The following KIF27 variants were observed in gnomAD, a reference collection of about 807,000 sequenced individuals.
KIF27 encodes kinesin-like protein KIF27.
KIF27 carries 84 observed loss-of-function variants against 141.8 expected under a neutral mutation model. The ratio of observed to expected loss-of-function variants is 0.59; its 90% CI spans 0.50 to 0.71. The LOEUF is 0.71. Among genes scored for constraint, KIF27 ranks in the 30% least tolerant of loss-of-function variants. The probability of loss-of-function intolerance (pLI) is 0.00; values close to 1 mark genes in which losing one functional copy is unlikely to be tolerated. For synonymous variants in KIF27, 471 were observed against 569.5 expected (o/e 0.83, Z 2.46); for missense variants, 1,306 against 1,628.4 (o/e 0.80, Z 3.41).
In KIF27 at chr9:83,889,219, C is replaced by T. The variant is rs1310085211; in HGVS notation, c.1844G>A (p.Arg615Gln). Residue 615 changes from arginine (R) to glutamine (Q), a missense_variant, in exon 7 of 18, where the codon CGA becomes CAA. This residue lies in a region of KIF27 where 596 missense variants were observed against 751.6 expected (regional missense o/e 0.79). Transcript: ENST00000297814. ...TCGTGTTCGAAATCCAGCAAATATTCGATCCAGAGAGTACATAGGCGGACT... is the reference window on the plus strand; with the variant it reads ...TCGTGTTCGAAATCCAGCAAATATTTGATCCAGAGAGTACATAGGCGGACT... ...HTSPPMYSLD[R>Q]IFAGFRTRSQ... is the part of the protein sequence containing the mutation. 31 of 1,613,398 alleles carry T rather than the reference C, an allele frequency of 1.9e-5. No homozygotes were observed. The highest frequency in any genetic ancestry group is 5.0e-5 in the Admixed American group (3 of 59,960).
chr9:83,887,419 T>C (rs1294873525), intron 8 of KIF27, among the ~76,000 whole-genome samples: 1 of 152,238 alleles, frequency 6.6e-6, no homozygotes, highest in Non-Finnish European at 1.5e-5. Context: ...CATGTATGTA[T>C]ATATTCTTTC....
At chr9:83,868,769 G>A (rs948810721) in intron 12 of KIF27, among the ~76,000 whole-genome samples, 3 of 152,056 alleles carry the variant, frequency 2.0e-5, no homozygotes, top group Middle Eastern at 3.2e-3. Flanking sequence ...GAATATATAT[G>A]AGAAAAAGAG....
rs1420354554 is a variant in KIF27, at chr9:83,835,692, G to A, written c.*1309C>T. On this transcript the variant is annotated 3_prime_UTR_variant, in exon 18 of 18. Coordinates refer to ENST00000297814, the MANE Select transcript of KIF27 (RefSeq NM_017576.4). ...TCAAATCCACAGCAACAGAGGAAAG[G>A]ACAAAAGGAAAAGGTCTGTAGCAGC... 5 of 152,030 alleles carry A rather than the reference G, an allele frequency of 3.3e-5. No individual in the cohort carries two copies. Among genetic ancestry groups the A allele is most frequent in the Non-Finnish European group, 7.4e-5 (5 of 68,012 alleles). The allele number at this position is 152,030 out of a possible 1,614,324, so 9.4% of individuals were successfully genotyped here.
chr9:83,916,101 G>A (rs750597096), intron 1 of KIF27, among the ~76,000 whole-genome samples: 4 of 150,828 alleles, frequency 2.7e-5, no homozygotes, highest in Non-Finnish European at 4.4e-5. Context: ...GTGAGATCTC[G>A]GCTCTCTGCA....
chr9:83,908,964 G>C (rs1307915164), intron 2 of KIF27, among the ~76,000 whole-genome samples: 1 of 151,966 alleles, frequency 6.6e-6, no homozygotes, highest in Non-Finnish European at 1.5e-5. Flanking sequence ...ACAAGTAACA[G>C]TTTTCACATG....
chr9:83,881,422 T>C (rs1390321964), intron 10 of KIF27, among the ~76,000 whole-genome samples: 2 of 152,242 alleles, frequency 1.3e-5, no homozygotes, highest in Non-Finnish European at 2.9e-5. Context: ...AGTGTTAGCA[T>C]AGGCAAGTTT....
rs569133571 is a variant in KIF27, at chr9:83,836,009, T to C, written c.*992A>G. ...ATTCCAAACTAAATTGTACATTATA[T>C]AGTAAAATTTTGACCAGAAAAACTT... On this transcript the variant is annotated 3_prime_UTR_variant, in exon 18 of 18. Transcript: ENST00000297814. Among the ~76,000 whole-genome samples the C allele has an allele frequency of 7.4e-4, 113 of 152,244 alleles. No individual in the cohort carries two copies. The highest frequency in any genetic ancestry group is 2.6e-3 in the African/African-American group (109 of 41,540).
At chr9:83,847,191 A>G (rs1029364267) in intron 16 of KIF27, among the ~76,000 whole-genome samples, 15 of 152,204 alleles carry the variant, frequency 9.9e-5, no homozygotes, top group African/African-American at 3.6e-4. Flanking sequence ...TGGGTAGCAG[A>G]AGAAGGTGGT....
At chr9:83,916,627 A>C (rs1166467066) in intron 1 of KIF27, among the ~76,000 whole-genome samples, 1 of 151,986 alleles carries the variant, frequency 6.6e-6, no homozygotes, top group Non-Finnish European at 1.5e-5. Context: ...AAATATATAT[A>C]AACAAATAAT....
At chr9:83,864,348 T>C (rs1950185772) in intron 13 of KIF27, among the ~76,000 whole-genome samples, 1 of 152,236 alleles carries the variant, frequency 6.6e-6, no homozygotes, top group Non-Finnish European at 1.5e-5. Flanking sequence ...GCTTTAAATG[T>C]GTCCCAGAGA....
At chr9:83,885,552 ATCATTTTGGACTAT>A (rs1449714560) in intron 9 of KIF27, among the ~76,000 whole-genome samples, 19 of 152,198 alleles carry the variant, frequency 1.2e-4, no homozygotes, top group African/African-American at 3.9e-4. Context: ...ATTTTAACAA[ATCATTTTGGACTAT>A]TCATTAATTG....
intron 16 of KIF27, chr9:83,847,971 T>G (rs1040954688): frequency 4.8e-5 from 7 of 146,070 alleles, no homozygotes. Flanking sequence ...ATATAAATCC[T>G]GTATATTTTA....
In KIF27 at chr9:83,899,823, A is replaced by G; in HGVS notation, c.1459-19T>C. 2 of 1,590,282 alleles carry G rather than the reference A, an allele frequency of 1.3e-6. No homozygotes were observed. The highest frequency in any genetic ancestry group is 1.7e-5 in the Admixed American group (1 of 58,476). Reference sequence around the variant, plus strand: ...GCACACACTAGTGGGGAAAGAAAGCACAAGTGACATTCACCACAGAAAATA... The same window carrying G: ...GCACACACTAGTGGGGAAAGAAAGCGCAAGTGACATTCACCACAGAAAATA... On this transcript the variant is annotated intron_variant, in intron 4 of 17. Transcript: ENST00000297814.
intron 14 of KIF27, chr9:83,855,096 G>T (rs1056306891): frequency 6.6e-6 from 1 of 151,904 alleles, no homozygotes; most frequent in Non-Finnish European, 1.5e-5. Context: ...GTGCAGTGGT[G>T]GGATCTCAGC....
rs555302305 is a variant in KIF27 at position 83,908,216 on chromosome 9, C to T, written c.499+236G>A. 1.0e-3 allele frequency among the ~76,000 whole-genome samples: 147 copies of T among 147,492 alleles called. 1 individual carries two copies. The highest frequency in any genetic ancestry group is 3.5e-3 in the Middle Eastern group (1 of 288). ...GGTAGAGGTTGCAGTGAGCCAAGAT[C>T]GCACCACTACACTCTAGCCTGGCTG... is the stretch of plus-strand genomic sequence containing the variant. On this transcript the variant is annotated intron_variant, in intron 3 of 17. Transcript: ENST00000297814.
At chr9:83,870,307 C>T (rs1014958232) in intron 12 of KIF27, among the ~76,000 whole-genome samples, 1 of 152,138 alleles carries the variant, frequency 6.6e-6, no homozygotes, top group Non-Finnish European at 1.5e-5. Flanking sequence ...GCTGGGATTA[C>T]AAGCGCCTGC....
intron 5 of KIF27, among the ~76,000 whole-genome samples, chr9:83,894,888 C>T (rs760138160): frequency 2.6e-5 from 4 of 152,076 alleles, no homozygotes; most frequent in African/African-American, 9.7e-5. Context: ...ACCCCCAATA[C>T]AACAGTACAT....
intron 5 of KIF27, among the ~76,000 whole-genome samples, chr9:83,897,858 T>G (rs917513271): frequency 4.6e-5 from 7 of 151,968 alleles, no homozygotes; most frequent in African/African-American, 1.5e-4. Flanking sequence ...ATGCTCAACC[T>G]CACTAGTCAT....
intron 16 of KIF27, among the ~76,000 whole-genome samples, chr9:83,843,869 C>T (rs1433677541): frequency 6.6e-6 from 1 of 152,114 alleles, no homozygotes; most frequent in African/African-American, 2.4e-5. Flanking sequence ...ACCACAGGCA[C>T]ATGCCACCAT....
Sources: gnomAD v4.1 joint callset for allele counts (sites outside exome capture counted in the v4.1 genomes callset) on GRCh38, gnomAD v4.1.1 for gene constraint, gnomAD v4.1.1 regional missense constraint, MANE v1.5 for transcripts, NCBI Gene and HGNC (gene_info 2026-07-23, HGNC 2026-07-21) for gene names.